CCSER1: variants seen among roughly 807,000 people sequenced by gnomAD.
CCSER1 encodes the protein serine-rich coiled-coil domain-containing protein 1.
Under a neutral mutation model 82.0 loss-of-function variants are expected in CCSER1, and 41 were observed. The ratio of observed to expected loss-of-function variants is 0.50; its 90% CI spans 0.39 to 0.65. The LOEUF is 0.65. CCSER1 is among the 30% of genes least tolerant of loss of function. CCSER1 has a pLI of 0.00. For synonymous variants in CCSER1, 414 were observed against 383.9 expected, an observed-to-expected ratio of 1.08 and a Z score of -0.92; for missense variants, 1,119 against 1,064.2, an observed-to-expected ratio of 1.05 and a Z score of -0.72.
At chr4:90,776,824 T>A (rs894134518) in intron 7 of CCSER1, among the ~76,000 whole-genome samples, 1 of 152,204 alleles carries the variant, frequency 6.6e-6, no homozygotes, top group African/African-American at 2.4e-5. Context: ...GACAAAGTTT[T>A]AAAAATTCTG....
chr4:90,620,910 T>C (rs1315613034), intron 5 of CCSER1, among the ~76,000 whole-genome samples: 1 of 152,086 alleles, frequency 6.6e-6, no homozygotes, highest in Non-Finnish European at 1.5e-5. Flanking sequence ...ACCTCCTGGG[T>C]TCAAGCCATT....
chr4:91,090,546 C>T (rs1723838138), intron 10 of CCSER1, among the ~76,000 whole-genome samples: 1 of 152,098 alleles, frequency 6.6e-6, no homozygotes, highest in South Asian at 2.1e-4. Context: ...CAATATTGTC[C>T]AATAATTGAG....
At chr4:90,561,225 C>G (rs775656596) in intron 5 of CCSER1, among the ~76,000 whole-genome samples, 3 of 152,116 alleles carry the variant, frequency 2.0e-5, no homozygotes, top group Non-Finnish European at 2.9e-5. Context: ...TCAACACCAC[C>G]AAATATTTTT....
Position 90,425,730 on chromosome 4 carries a change from C to A in CCSER1, c.1603+25601C>A, listed in dbSNP as rs532885575. ...TAACCTATTTAAAAGTCAATATTAC[C>A]CATTACTTTCATTATAAAATCTGAT... On this transcript the variant is annotated intron_variant, in intron 4 of 10. Coordinates refer to ENST00000509176, the MANE Select transcript of CCSER1 (RefSeq NM_001145065.2). 2.6e-5 allele frequency among the ~76,000 whole-genome samples: 4 copies of A among 152,154 alleles called. No individual in the cohort carries two copies. In the South Asian group the frequency reaches 8.3e-4, roughly 32 times the overall value.
At chr4:90,447,461 T>G (rs1760817610) in intron 4 of CCSER1, among the ~76,000 whole-genome samples, 1 of 152,190 alleles carries the variant, frequency 6.6e-6, no homozygotes, top group South Asian at 2.1e-4. Flanking sequence ...GGGCAGGAAT[T>G]TCTGTCTGCT....
At chr4:90,647,502 C>T (rs1228611798) in intron 6 of CCSER1, among the ~76,000 whole-genome samples, 1 of 152,020 alleles carries the variant, frequency 6.6e-6, no homozygotes, top group Admixed American at 6.6e-5. Flanking sequence ...AAACATAAAA[C>T]TAGAAATTTG....
At chr4:90,155,082 A>G (rs1727795180) in intron 1 of CCSER1, among the ~76,000 whole-genome samples, 1 of 152,092 alleles carries the variant, frequency 6.6e-6, no homozygotes, top group South Asian at 2.1e-4. Flanking sequence ...GACAGTTTTT[A>G]GCATGAAGGG....
At chr4:90,296,702 T>C (rs1732022343) in intron 1 of CCSER1, among the ~76,000 whole-genome samples, 1 of 152,208 alleles carries the variant, frequency 6.6e-6, no homozygotes, top group Admixed American at 6.5e-5. Context: ...GTTTCAGCTT[T>C]CTACATATGG....
chr4:91,032,401 A>C (rs965049668), intron 9 of CCSER1, among the ~76,000 whole-genome samples: 4 of 152,282 alleles, frequency 2.6e-5, no homozygotes, highest in Admixed American at 6.5e-5. Context: ...CTAAGTGAAA[A>C]CTACAAAAAA....
chr4:90,471,376 A>G (rs1161296358), intron 5 of CCSER1, among the ~76,000 whole-genome samples: 1 of 152,048 alleles, frequency 6.6e-6, no homozygotes, highest in Non-Finnish European at 1.5e-5. Context: ...TTGAGGCTGC[A>G]GAGAGCTATG....
At chr4:90,312,183 G>A (rs912708967) in intron 2 of CCSER1, among the ~76,000 whole-genome samples, 3 of 152,186 alleles carry the variant, frequency 2.0e-5, no homozygotes, top group African/African-American at 7.2e-5. Context: ...GTCAAAGGCT[G>A]TGTAGGGCTG....
intron 10 of CCSER1, among the ~76,000 whole-genome samples, chr4:91,533,535 A>G (rs537306452): frequency 6.6e-6 from 1 of 152,326 alleles, no homozygotes; most frequent in East Asian, 1.9e-4. Flanking sequence ...GAATAGGTTT[A>G]GAAGACAAAT....
chr4:90,779,815 T>C (rs1240536449), intron 7 of CCSER1, among the ~76,000 whole-genome samples: 7 of 152,168 alleles, frequency 4.6e-5, no homozygotes, highest in African/African-American at 1.7e-4. Flanking sequence ...AAAATGTCTT[T>C]CCCCCTATTA....
At chr4:90,969,671 T>A (rs1054427698) in intron 9 of CCSER1, among the ~76,000 whole-genome samples, 2 of 151,822 alleles carry the variant, frequency 1.3e-5, no homozygotes, top group East Asian at 3.9e-4. Flanking sequence ...CCTTAAAAAA[T>A]GGTAAAGGGA....
At chr4:90,859,887 C>T (rs1267528135) in intron 8 of CCSER1, among the ~76,000 whole-genome samples, 2 of 151,518 alleles carry the variant, frequency 1.3e-5, no homozygotes, top group African/African-American at 4.8e-5. Flanking sequence ...ATATGTATGG[C>T]TTAGTCCTCA....
intron 10 of CCSER1, among the ~76,000 whole-genome samples, chr4:91,238,864 C>T (rs1366589971): frequency 6.6e-6 from 1 of 151,300 alleles, no homozygotes; most frequent in Non-Finnish European, 1.5e-5. Context: ...CGCATGGTCA[C>T]CCAGGCTAGA....
In CCSER1 at chr4:91,421,732, G is replaced by A. The variant is rs141860146; in HGVS notation, c.2218-176840G>A. ...ACACAGTGTAAATATGTATCAAATG[G>A]CCGCACTGTACACCTTCAATATACA... On this transcript the variant is annotated intron_variant, in intron 10 of 10. Coordinates refer to ENST00000509176, the MANE Select transcript of CCSER1 (RefSeq NM_001145065.2). Among the ~76,000 whole-genome samples, 67 of 151,580 alleles carry A rather than the reference G, an allele frequency of 4.4e-4. 2 individuals are homozygous for A. Among genetic ancestry groups the A allele is most frequent in the African/African-American group, 1.5e-3 (63 of 41,272 alleles).
At chr4:90,670,659 C>A (rs1732625841) in intron 6 of CCSER1, among the ~76,000 whole-genome samples, 1 of 152,066 alleles carries the variant, frequency 6.6e-6, no homozygotes, top group Non-Finnish European at 1.5e-5. Flanking sequence ...GTGGCCAGAA[C>A]ACTTAAACTG....
At chr4:91,333,527 T>G (rs146582304) in intron 10 of CCSER1, among the ~76,000 whole-genome samples, 2 of 152,156 alleles carry the variant, frequency 1.3e-5, no homozygotes, top group East Asian at 3.9e-4. Context: ...TGACAGATTT[T>G]CATTTTATGA....
Sources: allele counts gnomAD v4.1 joint callset (sites outside exome capture counted in the v4.1 genomes callset), GRCh38; gene constraint gnomAD v4.1.1; transcripts MANE v1.5; gene names NCBI Gene and HGNC (gene_info 2026-07-23, HGNC 2026-07-21).